RBFOX1: variants seen among roughly 807,000 people sequenced by gnomAD.
RBFOX1 encodes the protein RNA binding protein fox-1 homolog 1.
A neutral mutation model predicts 57.7 loss-of-function variants in RBFOX1; 8 were observed. The observed-to-expected ratio is 0.14, with a 90% confidence interval of 0.08 to 0.25. RBFOX1 has a LOEUF of 0.25. Among genes scored for constraint, RBFOX1 ranks in the 10% least tolerant of loss-of-function variants. The probability of loss-of-function intolerance (pLI) is 1.00; values close to 1 mark genes in which losing one functional copy is unlikely to be tolerated. For synonymous variants in RBFOX1, 326 were observed against 222.4 expected (o/e 1.47, Z -4.15); for missense variants, 611 against 548.5 (o/e 1.11, Z -1.14).
chr16:6,832,872 C>T (rs142066541), intron 3 of RBFOX1, among the ~76,000 whole-genome samples: 91 of 152,314 alleles, frequency 6.0e-4, no homozygotes, highest in African/African-American at 2.1e-3. Context: ...CTGTGCTAGA[C>T]CTTGGTTCTG....
At chr16:6,251,498 G>C (rs1353945769) in intron 1 of RBFOX1, among the ~76,000 whole-genome samples, 1 of 152,062 alleles carries the variant, frequency 6.6e-6, no homozygotes, top group Admixed American at 6.6e-5. Flanking sequence ...CCAAAAGTTA[G>C]ATATTTATTA....
At chr16:6,643,461 T>A (rs2098508654) in intron 2 of RBFOX1, among the ~76,000 whole-genome samples, 1 of 152,090 alleles carries the variant, frequency 6.6e-6, no homozygotes, top group African/African-American at 2.4e-5. Flanking sequence ...GTTGGAGGAT[T>A]AAGTGAACAC....
At chr16:6,884,090 AC>A (rs2063485075) in intron 3 of RBFOX1, among the ~76,000 whole-genome samples, 1 of 152,126 alleles carries the variant, frequency 6.6e-6, no homozygotes, top group Admixed American at 6.5e-5. Context: ...TTATGCAAGC[AC>A]CTGCGATGCG....
chr16:5,672,496 A>G (rs1385143456), intron 3 of RBFOX1, among the ~76,000 whole-genome samples: 1 of 152,116 alleles, frequency 6.6e-6, no homozygotes, highest in East Asian at 1.9e-4. Context: ...TTTAAGGACA[A>G]GCACACCCCT....
intron 3 of RBFOX1, among the ~76,000 whole-genome samples, chr16:5,845,382 A>G (rs2056729444): frequency 6.6e-6 from 1 of 152,126 alleles, no homozygotes; most frequent in Admixed American, 6.5e-5. Flanking sequence ...TTGCTTCTCC[A>G]AGGAGGTCCA....
chr16:5,873,581 A>G (rs1162991627), intron 4 of RBFOX1, among the ~76,000 whole-genome samples: 1 of 152,230 alleles, frequency 6.6e-6, no homozygotes, highest in African/African-American at 2.4e-5. Flanking sequence ...ACAGTCTCTT[A>G]TAGTCTAGGC....
chr16:6,885,088 A>G (rs1248918419), intron 3 of RBFOX1, among the ~76,000 whole-genome samples: 1 of 152,188 alleles, frequency 6.6e-6, no homozygotes, highest in Non-Finnish European at 1.5e-5. Context: ...ACAGAGACAG[A>G]TCAAACCAGG....
intron 3 of RBFOX1, among the ~76,000 whole-genome samples, chr16:5,714,543 G>C (rs2051616676): frequency 6.6e-6 from 1 of 152,228 alleles, no homozygotes; most frequent in African/African-American, 2.4e-5. Context: ...CCTTAGATGT[G>C]TGAAAAATAA....
intron 3 of RBFOX1, among the ~76,000 whole-genome samples, chr16:5,677,454 A>G (rs1176409256): frequency 2.0e-5 from 3 of 152,208 alleles, no homozygotes; most frequent in African/African-American, 7.2e-5. Flanking sequence ...GCATGTAGGT[A>G]AATGTGCTTA....
At chr16:6,750,233 T>C (rs146811544) in intron 3 of RBFOX1, among the ~76,000 whole-genome samples, 8 of 152,256 alleles carry the variant, frequency 5.3e-5, no homozygotes, top group African/African-American at 1.9e-4. Flanking sequence ...CTGAGGGCAT[T>C]TGTTAAAGGT....
chr16:6,300,426 T>C (rs1242658495), intron 1 of RBFOX1, among the ~76,000 whole-genome samples: 1 of 152,172 alleles, frequency 6.6e-6, no homozygotes, highest in African/African-American at 2.4e-5. Context: ...TTGTACACCA[T>C]AAATATACAC....
intron 1 of RBFOX1, among the ~76,000 whole-genome samples, chr16:5,292,508 A>G (rs1325360575): frequency 6.6e-6 from 1 of 152,188 alleles, no homozygotes; most frequent in Non-Finnish European, 1.5e-5. Context: ...TTTGAGTGAC[A>G]CAACCTTATT....
At chr16:7,211,439 G>T (rs967276693) in intron 4 of RBFOX1, among the ~76,000 whole-genome samples, 2 of 148,384 alleles carry the variant, frequency 1.3e-5, no homozygotes, top group Admixed American at 6.7e-5. Context: ...AAATTTAAAC[G>T]TTTATCCAGT....
intron 4 of RBFOX1, among the ~76,000 whole-genome samples, chr16:7,233,349 T>C (rs982943261): frequency 6.6e-6 from 1 of 152,190 alleles, no homozygotes; most frequent in Non-Finnish European, 1.5e-5. Flanking sequence ...TATATTCTTT[T>C]CCATGACATG....
At chr16:7,492,587 C>T (rs1217189048) in intron 4 of RBFOX1, among the ~76,000 whole-genome samples, 1 of 152,156 alleles carries the variant, frequency 6.6e-6, no homozygotes, top group African/African-American at 2.4e-5. Context: ...GATATTGTCC[C>T]ATCTAAATCT....
chr16:7,337,209 G>GA (rs1233914691), intron 4 of RBFOX1, among the ~76,000 whole-genome samples: 1 of 152,096 alleles, frequency 6.6e-6, no homozygotes, highest in Non-Finnish European at 1.5e-5. Context: ...TGGATTTGTT[G>GA]AACCAGGGTC....
In RBFOX1 at chr16:6,912,134, C is replaced by T. The variant is rs569697914; in HGVS notation, c.-15-139923C>T. On this transcript the variant is annotated intron_variant, in intron 3 of 15. Transcript: ENST00000550418. ...TACTTACTAGTATTTCAGAACTTTA[C>T]GTTTGAGTTCTATTTTCATGCCATA... Among the ~76,000 whole-genome samples, 10 of 152,142 alleles carry T rather than the reference C, an allele frequency of 6.6e-5. No homozygotes were observed. The East Asian group carries it at 1.2e-3, about 18-fold the overall frequency.
intron 1 of RBFOX1, among the ~76,000 whole-genome samples, chr16:5,405,670 T>C (rs1208722346): frequency 6.6e-6 from 1 of 152,208 alleles, no homozygotes; most frequent in African/African-American, 2.4e-5. Flanking sequence ...GTTGGGTTCA[T>C]ATTTTGGGTG....
chr16:6,076,343 CACAT>C (rs371833458), intron 1 of RBFOX1, among the ~76,000 whole-genome samples: 1 of 150,674 alleles, frequency 6.6e-6, no homozygotes, highest in African/African-American at 2.5e-5. Context: ...CGCACACACA[CACAT>C]ACACACACAC....
Sources: allele counts gnomAD v4.1 joint callset (sites outside exome capture counted in the v4.1 genomes callset), GRCh38; gene constraint gnomAD v4.1.1; transcripts MANE v1.5; gene names NCBI Gene and HGNC (gene_info 2026-07-23, HGNC 2026-07-21).